Variants in CSMD1 observed in about 807,000 individuals in gnomAD.
CSMD1 encodes CUB and Sushi multiple domains 1, also known as CUB and sushi domain-containing protein 1.
CSMD1 carries 213 observed loss-of-function variants against 417.5 expected under a neutral mutation model. The ratio of observed to expected loss-of-function variants is 0.51; its 90% CI spans 0.46 to 0.57. The LOEUF is 0.57. Among genes scored for constraint, CSMD1 ranks in the 20% least tolerant of loss-of-function variants. CSMD1 has a pLI of 0.00. For missense variants in CSMD1, 6,923 were observed against 4,529.7 expected (o/e 1.53, Z -15.17); for synonymous variants, 2,862 against 1,736.8 (o/e 1.65, Z -16.11).
At chr8:4,178,186 A>G (rs1798162104) in intron 3 of CSMD1, among the ~76,000 whole-genome samples, 1 of 152,174 alleles carries the variant, frequency 6.6e-6, no homozygotes, top group Non-Finnish European at 1.5e-5. Flanking sequence ...CCTCAATACG[A>G]TACTGGCAGA....
intron 3 of CSMD1, among the ~76,000 whole-genome samples, chr8:4,092,774 G>A (rs1220993168): frequency 6.6e-6 from 1 of 151,816 alleles, no homozygotes; most frequent in Non-Finnish European, 1.5e-5. Flanking sequence ...TCCTTTTACT[G>A]TATTATTTCA....
intron 2 of CSMD1, among the ~76,000 whole-genome samples, chr8:4,456,838 C>T (rs1055548178): frequency 6.6e-6 from 1 of 151,960 alleles, no homozygotes; most frequent in Non-Finnish European, 1.5e-5. Context: ...ACCTGCAGGA[C>T]CCATCCTGAC....
At chr8:4,077,663 ATC>A (rs1365737467) in intron 3 of CSMD1, among the ~76,000 whole-genome samples, 1 of 152,052 alleles carries the variant, frequency 6.6e-6, no homozygotes, top group Non-Finnish European at 1.5e-5. Context: ...GGTATATTTG[ATC>A]TTTTTCATGT....
intron 2 of CSMD1, among the ~76,000 whole-genome samples, chr8:4,479,288 G>C (rs1277351363): frequency 4.6e-5 from 7 of 152,268 alleles, no homozygotes; most frequent in South Asian, 2.1e-4. Flanking sequence ...TTGTTTGCTT[G>C]TGAATGTGTT....
chr8:4,542,623 G>A (rs530700879), intron 2 of CSMD1, among the ~76,000 whole-genome samples: 4 of 152,060 alleles, frequency 2.6e-5, no homozygotes, highest in Non-Finnish European at 4.4e-5. Context: ...TCTTCACTTT[G>A]CTCCAATGCA....
intron 5 of CSMD1, among the ~76,000 whole-genome samples, chr8:3,964,967 G>C (rs879573229): frequency 1.3e-5 from 2 of 152,070 alleles, no homozygotes; most frequent in Non-Finnish European, 2.9e-5. Context: ...GTAATTCTTG[G>C]AGAGTCACAG....
At chr8:4,054,515 C>T (rs765628521) in intron 3 of CSMD1, among the ~76,000 whole-genome samples, 1 of 152,116 alleles carries the variant, frequency 6.6e-6, no homozygotes, top group African/African-American at 2.4e-5. Context: ...CGTCTACACC[C>T]TACCTCATCC....
At chr8:4,478,382 C>G (rs951078621) in intron 2 of CSMD1, among the ~76,000 whole-genome samples, 4 of 152,084 alleles carry the variant, frequency 2.6e-5, no homozygotes, top group African/African-American at 9.7e-5. Context: ...TTGAAACACA[C>G]AAGTCCAAAG....
intron 38 of CSMD1, among the ~76,000 whole-genome samples, chr8:3,161,438 G>A (rs1483329474): frequency 6.6e-6 from 1 of 151,984 alleles, no homozygotes; most frequent in Non-Finnish European, 1.5e-5. Flanking sequence ...CCAACATGGT[G>A]AAACCCCATC....
At chr8:4,177,055 G>C (rs1308188740) in intron 3 of CSMD1, among the ~76,000 whole-genome samples, 3 of 152,112 alleles carry the variant, frequency 2.0e-5, no homozygotes, top group South Asian at 2.1e-4. Context: ...TCCAGGAATT[G>C]AACTCATCTC....
intron 3 of CSMD1, among the ~76,000 whole-genome samples, chr8:4,133,466 C>A (rs1385032752): frequency 6.6e-6 from 1 of 152,086 alleles, no homozygotes; most frequent in Non-Finnish European, 1.5e-5. Context: ...TTTCTTTCAG[C>A]CCCAAATCAG....
intron 1 of CSMD1, among the ~76,000 whole-genome samples, chr8:4,841,911 CAAAAAAAAA>C (rs397757527): frequency 3.7e-4 from 13 of 34,850 alleles, no homozygotes; most frequent in East Asian, 1.9e-3. Flanking sequence ...AACTCCGTCT[CAAAAAAAAA>C]AAAAAAAAAA....
chr8:3,868,354 A>C (rs781045179), intron 5 of CSMD1, among the ~76,000 whole-genome samples: 2 of 152,098 alleles, frequency 1.3e-5, no homozygotes, highest in Non-Finnish European at 2.9e-5. Context: ...CTTTCTCCCT[A>C]AAGTCTCCAG....
At position 4,081,198 on chromosome 8, in the gene CSMD1, C is replaced by A. The variant is rs151268286; in HGVS notation, c.416-49099G>T. Among the ~76,000 whole-genome samples, 3 of 152,100 alleles carry A rather than the reference C, an allele frequency of 2.0e-5. 1 individual carries two copies. Among genetic ancestry groups the A allele is most frequent in the Admixed American group, 2.0e-4 (3 of 15,256 alleles). ...AAACTTCTGTTATTTATAAATTATC[C>A]AGTCTGTGGCGTTTTGTTATGCAGC... On this transcript the variant is annotated intron_variant, in intron 3 of 69. Transcript: ENST00000635120.
Position 2,998,184 on chromosome 8 carries a change from G to C in CSMD1, c.8204C>G (p.Pro2735Arg). The change falls in exon 54 of 70, where the codon CCC becomes CGC. Residue 2735 changes from proline (P) to arginine (R), a missense_variant and splice_region_variant. By Grantham distance (103) the Pro-to-Arg change is moderately radical (BLOSUM62 -2). Coordinates refer to ENST00000635120, the MANE Select transcript of CSMD1 (RefSeq NM_033225.6). ...KWSGQTPVCV[P>R]ITCGHPGNPA... ...GTTTCCAGGGTGACCACATGTGATG[G>C]CTGTAGAGAGACAGGTCAACGTCAT... 1.2e-6 allele frequency: 2 copies of C among 1,613,682 alleles called. No individual in the cohort carries two copies. Among genetic ancestry groups the C allele is most frequent in the African/African-American group, 1.3e-5 (1 of 75,030 alleles).
At chr8:3,112,112 G>T (rs1187064785) in intron 42 of CSMD1, among the ~76,000 whole-genome samples, 1 of 151,518 alleles carries the variant, frequency 6.6e-6, no homozygotes, top group Non-Finnish European at 1.5e-5. Flanking sequence ...TAGCAGACAG[G>T]GTCTGCATCT....
chr8:3,715,558 T>A (rs533650054), intron 6 of CSMD1, among the ~76,000 whole-genome samples: 1 of 152,322 alleles, frequency 6.6e-6, no homozygotes, highest in East Asian at 1.9e-4. Context: ...GTTTTAGCTT[T>A]TTGAGACAGA....
intron 26 of CSMD1, among the ~76,000 whole-genome samples, chr8:3,262,731 G>A (rs974076684): frequency 6.6e-6 from 1 of 152,090 alleles, no homozygotes; most frequent in African/African-American, 2.4e-5. Context: ...ATGTCTCATA[G>A]TGGAAAATGT....
At chr8:4,629,218 C>A (rs757634379) in intron 2 of CSMD1, among the ~76,000 whole-genome samples, 12 of 152,206 alleles carry the variant, frequency 7.9e-5, no homozygotes, top group South Asian at 4.1e-4. Flanking sequence ...AAAGTTTGTA[C>A]TTTATTTTGA....
Sources: allele counts gnomAD v4.1 joint callset (sites outside exome capture counted in the v4.1 genomes callset), GRCh38; gene constraint gnomAD v4.1.1; transcripts MANE v1.5; gene names NCBI Gene and HGNC (gene_info 2026-07-23, HGNC 2026-07-21).